The following VPS35L variants were observed in gnomAD, a reference collection of about 807,000 sequenced individuals.
The protein encoded by VPS35L is VPS35 endosomal protein sorting factor like, also known as VPS35 endosomal protein-sorting factor-like.
A neutral mutation model predicts 133.0 loss-of-function variants in VPS35L; 83 were observed. The observed-to-expected ratio is 0.62, with a 90% CI of 0.52 to 0.75. The LOEUF (loss-of-function observed/expected upper bound fraction) is 0.75, where lower values mean the gene tolerates loss of function less well. Ranked by LOEUF, VPS35L falls within the 30% of genes least tolerant of loss-of-function variation. The pLI is 0.00. For synonymous variants in VPS35L, 423 were observed against 449.9 expected (o/e 0.94, Z 0.76); for missense variants, 1,083 against 1,206.8 (o/e 0.90, Z 1.52).
chr16:19,584,935 A>G (rs1317689248), intron 7 of VPS35L, among the ~76,000 whole-genome samples: 1 of 152,200 alleles, frequency 6.6e-6, no homozygotes, highest in African/African-American at 2.4e-5. Context: ...GATGCTGAGC[A>G]TATTTTCACA....
chr16:19,602,352 G>A (rs565671575), intron 9 of VPS35L, among the ~76,000 whole-genome samples: 2 of 152,132 alleles, frequency 1.3e-5, no homozygotes, highest in South Asian at 2.1e-4. Context: ...GTTCTCATCC[G>A]TCCAAGCTAG....
At chr16:19,570,828 G>A (rs1157036399) in intron 3 of VPS35L, among the ~76,000 whole-genome samples, 3 of 103,116 alleles carry the variant, frequency 2.9e-5, no homozygotes, top group East Asian at 3.0e-4. Context: ...ATCCTATGCT[G>A]TGTTTCATAT....
In VPS35L at chr16:19,680,924, T is replaced by C. The variant is rs561271443; in HGVS notation, c.2362-1301T>C. ...CCTGTCTCAGAACCCGCCCCCCCCC[T>C]AAAAAAACAGGATGATTTGTGATGA... is the stretch of plus-strand genomic sequence containing the variant. On this transcript the variant is annotated intron_variant, in intron 27 of 30. Coordinates refer to ENST00000417362, the MANE Select transcript of VPS35L (RefSeq NM_020314.7). Among the ~76,000 whole-genome samples the C allele has an allele frequency of 3.4e-3, 276 of 80,740 alleles. 3 individuals carry two copies. Among genetic ancestry groups the C allele is most frequent in the Middle Eastern group, 0.025 (3 of 120 alleles). The allele number at this position is 80,740 out of a possible 152,430, so 53.0% of individuals were successfully genotyped here. A position where few individuals can be genotyped will look rare whatever the true frequency, so the allele number is the denominator to read the frequency against.
intron 4 of VPS35L, among the ~76,000 whole-genome samples, chr16:19,574,509 C>T (rs1971474682): frequency 6.6e-6 from 1 of 152,158 alleles, no homozygotes; most frequent in South Asian, 2.1e-4. Context: ...AACGCTTGGC[C>T]TCAACGCCTC....
chr16:19,640,192 G>A (rs1307351550), intron 21 of VPS35L, 92 bp downstream of exon 21: 12 of 1,149,060 alleles, frequency 1.0e-5, no homozygotes, highest in Non-Finnish European at 1.3e-5. Flanking sequence ...TTGAGGCCGA[G>A]TGATGTGTAC....
chr16:19,646,628 G>A (rs1973958793), intron 23 of VPS35L, among the ~76,000 whole-genome samples: 2 of 151,400 alleles, frequency 1.3e-5, no homozygotes, highest in African/African-American at 2.4e-5. Context: ...CCATGCCACT[G>A]CACTCCAGCC....
chr16:19,616,283 C>G, intron 13 of VPS35L, 92 bp downstream of exon 13: 1 of 1,062,518 alleles, frequency 9.4e-7, no homozygotes, highest in Non-Finnish European at 1.4e-6. Context: ...TGGAGAATGC[C>G]TTAAAGCTCT....
In VPS35L at chr16:19,639,524, T is replaced by TTTTG. The variant is rs755901321; in HGVS notation, c.1699-479_1699-476dup. 6.6e-6 allele frequency among the ~76,000 whole-genome samples: 1 copy of TTTTG among 152,132 alleles called. No homozygotes were observed. Among genetic ancestry groups the TTTTG allele is most frequent in the Non-Finnish European group, 1.5e-5 (1 of 68,014 alleles). ...TTGTTTTAATAGTAACAGCTTTTTA[T>TTTTG]TTTGTTTGTTTGTTTATTTTTGAGA... On this transcript the variant is annotated intron_variant, in intron 20 of 30. Transcript: ENST00000417362. The surrounding 1 kb of genome is among the most constrained non-coding windows in gnomAD (Gnocchi z 4.1).
intron 7 of VPS35L, among the ~76,000 whole-genome samples, 197 bp from the exon 8 acceptor site, chr16:19,591,593 T>C (rs753797219): frequency 5.3e-5 from 8 of 151,818 alleles, no homozygotes; most frequent in Non-Finnish European, 1.2e-4. Flanking sequence ...GAGGTTCTGT[T>C]GTAAGCAGAG....
intron 8 of VPS35L, among the ~76,000 whole-genome samples, chr16:19,594,644 C>CAA (rs57187565): frequency 0.087 from 2,747 of 31,446 alleles, 499 homozygotes; most frequent in East Asian, 0.13. Flanking sequence ...GATTTCGTCT[C>CAA]AAAAAAAAAA....
chr16:19,601,648 G>A lies in VPS35L; in HGVS notation c.725-16G>A, dbSNP rs1037568347. The A allele has an allele frequency of 3.1e-6, 5 of 1,613,596 alleles. No homozygotes were observed. The highest frequency in any genetic ancestry group is 4.2e-6 in the Non-Finnish European group (5 of 1,179,580). On this transcript the variant is annotated splice_polypyrimidine_tract_variant and intron_variant, in intron 8 of 30. Transcript: ENST00000417362. ...GAAGAGTGTGATACTAACACCATCTGTCCTTTTCCTCCCAGGAAAGCTCGT... is the reference window on the plus strand; with the variant it reads ...GAAGAGTGTGATACTAACACCATCTATCCTTTTCCTCCCAGGAAAGCTCGT...
intron 25 of VPS35L, among the ~76,000 whole-genome samples, chr16:19,650,937 G>A (rs1047427523): frequency 1.3e-5 from 2 of 151,506 alleles, no homozygotes; most frequent in African/African-American, 4.8e-5. Context: ...GGAGTGCAGT[G>A]ACGTGATCTC....
At chr16:19,621,573 C>G (rs1183430629) in intron 14 of VPS35L, among the ~76,000 whole-genome samples, 1 of 152,198 alleles carries the variant, frequency 6.6e-6, no homozygotes, top group African/African-American at 2.4e-5. Flanking sequence ...ATATGCTGAG[C>G]TGCTTTTTCA....
chr16:19,697,147 G>A (rs1406156503), intron 29 of VPS35L, among the ~76,000 whole-genome samples: 1 of 152,214 alleles, frequency 6.6e-6, no homozygotes, highest in East Asian at 1.9e-4. Flanking sequence ...TGTAGCCCGC[G>A]GGCCTGGGCG....
intron 1 of VPS35L, among the ~76,000 whole-genome samples, chr16:19,559,861 G>A (rs536421583): frequency 6.6e-6 from 1 of 151,770 alleles, no homozygotes; most frequent in Non-Finnish European, 1.5e-5. Flanking sequence ...TAATTTTTTT[G>A]TGTTTCTAGT....
At chr16:19,676,479 T>A (rs1424515820) in intron 27 of VPS35L, among the ~76,000 whole-genome samples, 1 of 152,224 alleles carries the variant, frequency 6.6e-6, no homozygotes, top group Non-Finnish European at 1.5e-5. Flanking sequence ...CCCTATATAA[T>A]CAAACTGGCT....
intron 27 of VPS35L, among the ~76,000 whole-genome samples, chr16:19,675,904 A>C (rs60603648): frequency 0.25 from 38,144 of 151,946 alleles, 5,061 homozygotes; most frequent in Non-Finnish European, 0.28. Context: ...CCACAGTATG[A>C]AAGATTTTCT....
intron 28 of VPS35L, among the ~76,000 whole-genome samples, chr16:19,687,051 TCA>T (rs1426841148): frequency 6.6e-6 from 1 of 152,178 alleles, no homozygotes; most frequent in African/African-American, 2.4e-5. Context: ...CTGTGTCTCC[TCA>T]CAGACTGTGA....
At chr16:19,648,510 A>T (rs948663259) in intron 24 of VPS35L, among the ~76,000 whole-genome samples, 5 of 152,022 alleles carry the variant, frequency 3.3e-5, no homozygotes, top group Non-Finnish European at 7.4e-5. Context: ...GATCATGGCA[A>T]CTCTCAGTAA....
Sources: gnomAD v4.1 joint callset for allele counts (sites outside exome capture counted in the v4.1 genomes callset) on GRCh38, gnomAD v4.1.1 for gene constraint, Gnocchi (gnomAD v3.1) non-coding constraint, MANE v1.5 for transcripts, NCBI Gene and HGNC (gene_info 2026-07-23, HGNC 2026-07-21) for gene names.